Variants in PAMR1 observed in about 807,000 individuals in gnomAD.
PAMR1 encodes inactive serine protease PAMR1.
A neutral mutation model predicts 81.8 loss-of-function variants in PAMR1; 88 were observed. That is an observed-to-expected ratio of 1.08 (90% CI 0.91 to 1.28). The LOEUF (loss-of-function observed/expected upper bound fraction) is 1.28, where lower values mean the gene tolerates loss of function less well. PAMR1 is among the 50% of genes most tolerant of loss of function. The probability of loss-of-function intolerance (pLI) is 0.00; values close to 1 mark genes in which losing one functional copy is unlikely to be tolerated. For synonymous variants in PAMR1, 336 were observed against 345.3 expected (o/e 0.97, Z 0.30); for missense variants, 935 against 919.7 (o/e 1.02, Z -0.21).
chr11:35,508,468 G>C (rs1176823392), intron 1 of PAMR1, among the ~76,000 whole-genome samples: 5 of 148,716 alleles, frequency 3.4e-5, no homozygotes, highest in South Asian at 4.3e-4. Flanking sequence ...TGTCAGGAGA[G>C]TAAAGCTAGC....
Position 35,434,700 on chromosome 11 carries a change from G to A in PAMR1, c.1438C>T (p.Leu480=), listed in dbSNP as rs143377049. Reference sequence around the variant, plus strand: ...ACTAGGAACCACGCTCCCTTGTGTAGGCTGCCGTCATGCACCCCGCTGGTC... The same window carrying A: ...ACTAGGAACCACGCTCCCTTGTGTAAGCTGCCGTCATGCACCCCGCTGGTC... ...RRTSGVHDGS[L]HKGAWFLVCS... The change falls in exon 10 of 11, where the codon CTA becomes TTA. Residue 480 remains leucine, a synonymous_variant. Coordinates refer to ENST00000619888, the MANE Select transcript of PAMR1 (RefSeq NM_001001991.3). 5.6e-6 allele frequency: 9 copies of A among 1,614,126 alleles called. No individual in the cohort carries two copies. The highest frequency in any genetic ancestry group is 1.1e-5 in the South Asian group (1 of 91,074).
intron 6 of PAMR1, among the ~76,000 whole-genome samples, chr11:35,466,133 C>T (rs1856752100): frequency 6.6e-6 from 1 of 151,854 alleles, no homozygotes; most frequent in Non-Finnish European, 1.5e-5. Context: ...AGCCTTCCCT[C>T]TTTTTGTTTC....
chr11:35,461,454 C>T (rs1338952791), intron 6 of PAMR1, among the ~76,000 whole-genome samples: 1 of 152,140 alleles, frequency 6.6e-6, no homozygotes, highest in South Asian at 2.1e-4. Context: ...TATGTCAGAA[C>T]CCCTAAGCCT....
chr11:35,488,379 T>C (rs1850552009), intron 3 of PAMR1, among the ~76,000 whole-genome samples: 1 of 151,788 alleles, frequency 6.6e-6, no homozygotes, highest in Non-Finnish European at 1.5e-5. Context: ...CCACCATGCC[T>C]GGCTGAATTT....
intron 5 of PAMR1, among the ~76,000 whole-genome samples, chr11:35,469,583 C>G (rs759624327): frequency 1.7e-4 from 26 of 152,226 alleles, no homozygotes; most frequent in Non-Finnish European, 2.9e-4. Flanking sequence ...GGGGCAGGCA[C>G]AGAGACTGTA....
intron 3 of PAMR1, among the ~76,000 whole-genome samples, chr11:35,478,923 T>C (rs1047028498): frequency 6.6e-6 from 1 of 152,060 alleles, no homozygotes; most frequent in Non-Finnish European, 1.5e-5. Flanking sequence ...AATCCTGGCC[T>C]CATTGCCGAT....
intron 9 of PAMR1, 41 bp downstream of exon 9, chr11:35,435,862 A>G: frequency 6.9e-7 from 1 of 1,446,378 alleles, no homozygotes; most frequent in Non-Finnish European, 9.7e-7. Flanking sequence ...CAGTCATGAA[A>G]GATTGAGCAT....
intron 8 of PAMR1, among the ~76,000 whole-genome samples, chr11:35,437,690 A>C (rs601993): frequency 2.0e-4 from 30 of 152,260 alleles, no homozygotes; most frequent in Non-Finnish European, 3.7e-4. Context: ...TTACTTGAGA[A>C]ACCCGGCACT....
chr11:35,442,910 C>CT (rs563500907), intron 6 of PAMR1, among the ~76,000 whole-genome samples: 3 of 152,026 alleles, frequency 2.0e-5, no homozygotes, highest in Admixed American at 2.0e-4. Flanking sequence ...ACCTTAGTTT[C>CT]TTTTTTTTAA....
chr11:35,497,385 G>A (rs1419928880), intron 1 of PAMR1, among the ~76,000 whole-genome samples: 2 of 152,128 alleles, frequency 1.3e-5, no homozygotes, highest in Non-Finnish European at 2.9e-5. Flanking sequence ...AATTCATAGA[G>A]ACAGAAAGTA....
intron 3 of PAMR1, among the ~76,000 whole-genome samples, chr11:35,479,435 T>C (rs920494312): frequency 6.6e-6 from 1 of 152,232 alleles, no homozygotes; most frequent in Non-Finnish European, 1.5e-5. Flanking sequence ...AGATATTGTA[T>C]GTAAAGCACT....
At chr11:35,518,584 T>G (rs992180417) in intron 1 of PAMR1, among the ~76,000 whole-genome samples, 2 of 144,908 alleles carry the variant, frequency 1.4e-5, no homozygotes, top group African/African-American at 5.0e-5. Context: ...CAACTTGAGG[T>G]GATCAGAGAA....
chr11:35,442,359 C>G (rs1398505282), intron 6 of PAMR1, among the ~76,000 whole-genome samples: 2 of 152,092 alleles, frequency 1.3e-5, no homozygotes, highest in African/African-American at 4.8e-5. Context: ...TGTTGAATGG[C>G]TATTAAAGTA....
chr11:35,512,724 G>T lies in PAMR1; in HGVS notation c.73+12789C>A, dbSNP rs192108378. 6.8e-3 allele frequency among the ~76,000 whole-genome samples: 1,031 copies of T among 152,304 alleles called. 13 individuals carry two copies. The highest frequency in any genetic ancestry group is 0.024 in the African/African-American group (979 of 41,556). ...GGAAAATGGTTAGGGTGGGCATGGTGGTTCATGCATGTAACTCTAGCATTT... is the reference window on the plus strand; with the variant it reads ...GGAAAATGGTTAGGGTGGGCATGGTTGTTCATGCATGTAACTCTAGCATTT... On this transcript the variant is annotated intron_variant, in intron 1 of 10. Transcript: ENST00000619888.
intron 1 of PAMR1, among the ~76,000 whole-genome samples, chr11:35,507,577 T>A (rs1397609846): frequency 1.3e-5 from 2 of 152,212 alleles, no homozygotes; most frequent in African/African-American, 4.8e-5. Flanking sequence ...TATTTTAAAT[T>A]CTTGGTCAGA....
chr11:35,449,376 C>G (rs578190300), intron 6 of PAMR1, among the ~76,000 whole-genome samples: 1 of 152,298 alleles, frequency 6.6e-6, no homozygotes, highest in Admixed American at 6.5e-5. Context: ...GAGGCTCTGT[C>G]CCAGGAAGAC....
At position 35,468,097 on chromosome 11, in the gene PAMR1, A is replaced by C. The variant is rs758914329; in HGVS notation, c.724T>G (p.Ser242Ala). The C allele has an allele frequency of 7.9e-5, 122 of 1,551,090 alleles. No homozygotes were observed. Among genetic ancestry groups the C allele is most frequent in the Non-Finnish European group, 1.0e-4 (117 of 1,145,958 alleles). The change falls in exon 6 of 11, where the codon TCC becomes GCC. Residue 242 changes from serine (S) to alanine (A), a missense_variant. By Grantham distance (99) the Ser-to-Ala change is moderately conservative. Transcript: ENST00000619888. ...CACGTGCCGTCATGGAAACAAGGGG[A>C]TGAGGAGCATGCTGTAAGAGAAAAG... ...IYEEITACSS[S>A]PCFHDGTCVL...
rs985933363 is a variant in PAMR1, at chr11:35,488,209, T to C, written c.379+3836A>G. On this transcript the variant is annotated intron_variant, in intron 3 of 10. Transcript: ENST00000619888. ...AACCCTTTCCCATCTTTTTTTTTTT[T>C]TTTTTTTTTTTTGAGAGAGAGACAG... Among the ~76,000 whole-genome samples the C allele has an allele frequency of 3.5e-3, 519 of 148,040 alleles. 1 individual carries two copies. Among genetic ancestry groups the C allele is most frequent in the African/African-American group, 0.012 (473 of 40,046 alleles).
chr11:35,432,450 C>T lies in PAMR1; in HGVS notation c.2069G>A (p.Ser690Asn). ...GCTGCATGTTTTATCATAGCTCCAG[C>T]TGACCAGTCCCATCAGATGCCAGCG... ...EPRWHLMGLV[S>N]WSYDKTCSHR... The change falls in exon 11 of 11, where the codon AGC becomes AAC. Residue 690 changes from serine to asparagine, a missense_variant. Physicochemically the swap from Ser to Asn is conservative, Grantham distance 46. Coordinates refer to ENST00000619888, the MANE Select transcript of PAMR1 (RefSeq NM_001001991.3). 6.2e-7 allele frequency: 1 copy of T among 1,614,206 alleles called. No individual in the cohort carries two copies. The highest frequency in any genetic ancestry group is 1.1e-5 in the South Asian group (1 of 91,084).
Sources: allele counts gnomAD v4.1 joint callset (sites outside exome capture counted in the v4.1 genomes callset), GRCh38; gene constraint gnomAD v4.1.1; transcripts MANE v1.5; gene names NCBI Gene and HGNC (gene_info 2026-07-23, HGNC 2026-07-21).